Variants in IQCH observed in about 807,000 individuals in gnomAD.
IQCH encodes the protein IQ domain-containing protein H.
Under a neutral mutation model 117.0 loss-of-function variants are expected in IQCH, and 98 were observed. The ratio of observed to expected loss-of-function variants is 0.84; its 90% CI spans 0.71 to 0.99. The LOEUF (loss-of-function observed/expected upper bound fraction) is 0.99. IQCH is among the 50% of genes least tolerant of loss of function. IQCH has a pLI of 0.00. For missense variants in IQCH, 1,102 were observed against 1,243.8 expected (o/e 0.89, Z 1.72); for synonymous variants, 412 against 448.2 (o/e 0.92, Z 1.02).
At chr15:67,355,396 C>T (rs1274035245) in intron 6 of IQCH, among the ~76,000 whole-genome samples, 1 of 151,898 alleles carries the variant, frequency 6.6e-6, no homozygotes, top group Non-Finnish European at 1.5e-5. Context: ...ACCAGCCTGT[C>T]GAACACAGTG....
In IQCH at chr15:67,479,350, T is replaced by C. The variant is rs2083288335; in HGVS notation, c.2799+3532T>C. Among the ~76,000 whole-genome samples the C allele has an allele frequency of 1.3e-5, 2 of 152,212 alleles. No individual in the cohort carries two copies. Among genetic ancestry groups the C allele is most frequent in the African/African-American group, 4.8e-5 (2 of 41,448 alleles). ...GTGGAACTGACATTTGAACCCGTAA[T>C]TGTCTACAAAGTCAAGCATGATTCT... On this transcript the variant is annotated intron_variant, in intron 18 of 20. Transcript: ENST00000335894. The surrounding 1 kb of genome is among the most constrained non-coding windows in gnomAD (Gnocchi z 4.6).
rs372745770 is a variant in IQCH, at chr15:67,447,581, G to C, written c.2506-17546G>C. ...GGGGTTGAGGGAGTGTCCCCGTGGA[G>C]GGCATAGAGCTTGCAGGGAGCCCCA... On this transcript the variant is annotated intron_variant, in intron 16 of 20. Transcript: ENST00000335894. This position sits in a 1 kb window ranked among gnomAD's most constrained non-coding sequence, Gnocchi z 5.3. Among the ~76,000 whole-genome samples the C allele has an allele frequency of 6.6e-6, 1 of 152,194 alleles. No homozygotes were observed. The highest frequency in any genetic ancestry group is 2.4e-5 in the African/African-American group (1 of 41,450).
At chr15:67,497,384 T>G (rs2083848253) in intron 20 of IQCH, among the ~76,000 whole-genome samples, 1 of 151,994 alleles carries the variant, frequency 6.6e-6, no homozygotes, top group Non-Finnish European at 1.5e-5. Flanking sequence ...TTATAAGACA[T>G]AAAATCAGTA....
rs188871921 is a variant in IQCH at position 67,385,802 on chromosome 15, G to C, written c.1456+783G>C. Among the ~76,000 whole-genome samples the C allele has an allele frequency of 8.0e-4, 122 of 152,282 alleles. 6 individuals are homozygous for C. Among genetic ancestry groups the C allele is most frequent in the Middle Eastern group, 6.8e-3 (2 of 294 alleles). ...TTACACAAAAATTAGATTTGTATTA[G>C]TTACCAAATAAGAACTTCTTTGCTT... On this transcript the variant is annotated intron_variant, in intron 11 of 20. Coordinates refer to ENST00000335894, the MANE Select transcript of IQCH (RefSeq NM_001031715.3). This position sits in a 1 kb window ranked among gnomAD's most constrained non-coding sequence, Gnocchi z 4.6.
chr15:67,501,541 T>C lies in IQCH; in HGVS notation c.*795T>C, dbSNP rs2083979108. On this transcript the variant is annotated 3_prime_UTR_variant, in exon 21 of 21. Coordinates refer to ENST00000335894, the MANE Select transcript of IQCH (RefSeq NM_001031715.3). The surrounding 1 kb of genome is among the most constrained non-coding windows in gnomAD (Gnocchi z 5.2). ...AGGCAGACTGTTAAGATTGTAGTAG[T>C]GCTGACTCTAACTTTCAGCATTCAC... 1 of 152,240 alleles carries C rather than the reference T, an allele frequency of 6.6e-6. No homozygotes were observed. 9.4% of individuals were successfully genotyped at this position (152,240 alleles called of 1,614,324 possible). A position where few individuals can be genotyped will look rare whatever the true frequency, so the allele number is the denominator to read the frequency against.
intron 4 of IQCH, among the ~76,000 whole-genome samples, chr15:67,335,115 G>T (rs1055986974): frequency 6.6e-6 from 1 of 152,092 alleles, no homozygotes; most frequent in African/African-American, 2.4e-5. Context: ...TGCCTTTTCA[G>T]CATAGTTCTT....
intron 4 of IQCH, among the ~76,000 whole-genome samples, chr15:67,296,610 T>A (rs920765285): frequency 1.7e-4 from 26 of 152,120 alleles, no homozygotes; most frequent in African/African-American, 6.0e-4. Context: ...CAGTGAAGCA[T>A]GGACCAAGCA....
intron 6 of IQCH, among the ~76,000 whole-genome samples, chr15:67,346,811 A>T (rs1028362860): frequency 3.3e-5 from 5 of 152,216 alleles, no homozygotes; most frequent in African/African-American, 9.6e-5. Context: ...ACCATAAAAC[A>T]AATATTAACC....
intron 20 of IQCH, among the ~76,000 whole-genome samples, chr15:67,499,348 T>C (rs2083918707): frequency 9.1e-6 from 1 of 109,646 alleles, no homozygotes; most frequent in South Asian, 3.0e-4. Flanking sequence ...AATAAGTATA[T>C]GAAAGAATGC....
intron 13 of IQCH, among the ~76,000 whole-genome samples, chr15:67,399,607 A>C (rs1971577154): frequency 6.6e-6 from 1 of 152,206 alleles, no homozygotes; most frequent in African/African-American, 2.4e-5. Flanking sequence ...TGGCCAGCCA[A>C]ACAAATGTAT....
rs2083090752 is a variant in IQCH at position 67,472,318 on chromosome 15, T to C, written c.2677-3378T>C. On this transcript the variant is annotated intron_variant, in intron 17 of 20. Transcript: ENST00000335894. This position sits in a 1 kb window ranked among gnomAD's most constrained non-coding sequence, Gnocchi z 4.3. ...GGGAAGTGGGAAGCAGGAGAAGTAGTTGGAAGGGTGCACTGAGCAAGTTTG... is the reference window on the plus strand; with the variant it reads ...GGGAAGTGGGAAGCAGGAGAAGTAGCTGGAAGGGTGCACTGAGCAAGTTTG... 6.6e-6 allele frequency among the ~76,000 whole-genome samples: 1 copy of C among 151,914 alleles called. No individual in the cohort carries two copies. The highest frequency in any genetic ancestry group is 2.1e-4 in the South Asian group (1 of 4,814).
At chr15:67,371,287 A>T (rs1426142457) in intron 8 of IQCH, 2 of 294,678 alleles carry the variant, frequency 6.8e-6, no homozygotes, top group Non-Finnish European at 1.3e-5. Context: ...TAACATAGAA[A>T]GTGTAAAGAA....
rs935272280 is a variant in IQCH, at chr15:67,457,081, C to G, written c.2506-8046C>G. 1.3e-5 allele frequency among the ~76,000 whole-genome samples: 2 copies of G among 152,196 alleles called. No individual in the cohort carries two copies. Among genetic ancestry groups the G allele is most frequent in the Admixed American group, 6.5e-5 (1 of 15,286 alleles). ...GCCCTGTACAGCGACAACTGCCGTT[C>G]TTCACTTCTCCAAGAGACTGGGCTA... is the stretch of plus-strand genomic sequence containing the variant. On this transcript the variant is annotated intron_variant, in intron 16 of 20. Transcript: ENST00000335894. The surrounding 1 kb of genome is among the most constrained non-coding windows in gnomAD (Gnocchi z 5.7).
chr15:67,271,651 T>C (rs559561524), intron 3 of IQCH, among the ~76,000 whole-genome samples: 55 of 152,326 alleles, frequency 3.6e-4, no homozygotes, highest in Non-Finnish European at 3.5e-4. Flanking sequence ...TGGTAGGTTG[T>C]AAGTGTCCAG....
intron 4 of IQCH, among the ~76,000 whole-genome samples, chr15:67,283,830 A>G (rs1272901447): frequency 6.6e-6 from 1 of 152,182 alleles, no homozygotes; most frequent in Non-Finnish European, 1.5e-5. Context: ...TTTGAGATGC[A>G]GAGGATTGTA....
chr15:67,320,838 T>C (rs569687659), intron 4 of IQCH, among the ~76,000 whole-genome samples: 2 of 152,280 alleles, frequency 1.3e-5, no homozygotes, highest in African/African-American at 4.8e-5. Context: ...AAAAAGAGTA[T>C]TGTGGTCCCA....
At chr15:67,299,589 A>G (rs1966921066) in intron 4 of IQCH, among the ~76,000 whole-genome samples, 2 of 152,128 alleles carry the variant, frequency 1.3e-5, no homozygotes, top group Admixed American at 1.3e-4. Flanking sequence ...ATCCACAAAA[A>G]TTAAAAATAA....
intron 13 of IQCH, among the ~76,000 whole-genome samples, chr15:67,399,764 G>A (rs1971582792): frequency 6.6e-6 from 1 of 152,152 alleles, no homozygotes; most frequent in Non-Finnish European, 1.5e-5. Flanking sequence ...GAATCAATAA[G>A]TAAATGCATA....
intron 4 of IQCH, among the ~76,000 whole-genome samples, chr15:67,330,501 T>A (rs1273665858): frequency 3.9e-5 from 6 of 152,176 alleles, no homozygotes; most frequent in Non-Finnish European, 8.8e-5. Flanking sequence ...CCAAGAATGC[T>A]GGTAAACCTG....
Sources: gnomAD v4.1 joint callset for allele counts (sites outside exome capture counted in the v4.1 genomes callset) on GRCh38, gnomAD v4.1.1 for gene constraint, Gnocchi (gnomAD v3.1) non-coding constraint, MANE v1.5 for transcripts, NCBI Gene and HGNC (gene_info 2026-07-23, HGNC 2026-07-21) for gene names.